Variants in LRRIQ1 observed in about 807,000 individuals in gnomAD.
LRRIQ1 encodes the protein leucine-rich repeat- and IQ domain-containing protein 1.
Under a neutral mutation model 211.9 loss-of-function variants are expected in LRRIQ1, and 210 were observed. The observed-to-expected ratio is 0.99, with a 90% CI of 0.89 to 1.11. The LOEUF (loss-of-function observed/expected upper bound fraction) is 1.11, where lower values mean the gene tolerates loss of function less well. Among genes scored for constraint, LRRIQ1 ranks in the 50% most tolerant of loss-of-function variants. The probability of loss-of-function intolerance (pLI) is 0.00; values close to 1 mark genes in which losing one functional copy is unlikely to be tolerated. For synonymous variants in LRRIQ1, 699 were observed against 650.1 expected, an observed-to-expected ratio of 1.08 and a Z score of -1.14; for missense variants, 2,136 against 1,939.5, an observed-to-expected ratio of 1.10 and a Z score of -1.90.
downstream of LRRIQ1, among the ~76,000 whole-genome samples, chr12:85,245,338 T>A (rs1895668017): frequency 6.6e-6 from 1 of 151,226 alleles, no homozygotes. Flanking sequence ...TAGAAGAGCT[T>A]TAAATAATAT....
At chr12:85,228,195 T>G (rs1894762961) in intron 24 of LRRIQ1, among the ~76,000 whole-genome samples, 1 of 152,140 alleles carries the variant, frequency 6.6e-6, no homozygotes, top group Admixed American at 6.5e-5. Flanking sequence ...ACTAAACAGC[T>G]TCTGCACAGC....
At chr12:85,113,752 A>T (rs561598673) in intron 15 of LRRIQ1, among the ~76,000 whole-genome samples, 3 of 152,266 alleles carry the variant, frequency 2.0e-5, no homozygotes, top group African/African-American at 7.2e-5. Flanking sequence ...AGGAATTGTG[A>T]AACTACAGTA....
At chr12:85,152,150 G>A (rs755729361) in intron 19 of LRRIQ1, 130 bp from the exon 20 acceptor site, 8 of 666,352 alleles carry the variant, frequency 1.2e-5, no homozygotes, top group South Asian at 1.0e-4. Context: ...ACAATAGTAA[G>A]TAGAAAATTT....
chr12:85,143,535 A>T (rs1189020923), intron 19 of LRRIQ1, among the ~76,000 whole-genome samples: 1 of 151,572 alleles, frequency 6.6e-6, no homozygotes, highest in East Asian at 1.9e-4. Context: ...TTTTAAAATC[A>T]TTGCTCAGAC....
At chr12:85,158,866 T>TC in intron 23 of LRRIQ1, among the ~76,000 whole-genome samples, 1 of 150,318 alleles carries the variant, frequency 6.7e-6, no homozygotes, top group Middle Eastern at 3.4e-3. Flanking sequence ...CCTTGGCTTT[T>TC]TTTTTAACTG....
intron 11 of LRRIQ1, among the ~76,000 whole-genome samples, chr12:85,095,592 T>C (rs1885798467): frequency 6.6e-6 from 1 of 152,120 alleles, no homozygotes; most frequent in Admixed American, 6.6e-5. Context: ...CTGTTGTTGT[T>C]CTGTCACTGC....
At chr12:85,200,784 G>A (rs1238825208) in intron 24 of LRRIQ1, among the ~76,000 whole-genome samples, 1 of 152,020 alleles carries the variant, frequency 6.6e-6, no homozygotes, top group Non-Finnish European at 1.5e-5. Context: ...GCATCCCATG[G>A]ATGAAGCCTA....
At chr12:85,086,776 A>T (rs1884869620) in intron 11 of LRRIQ1, among the ~76,000 whole-genome samples, 1 of 152,058 alleles carries the variant, frequency 6.6e-6, no homozygotes, top group Non-Finnish European at 1.5e-5. Context: ...ACAGAGTGTT[A>T]TAGAAACAAG....
chr12:85,059,605 T>TA (rs921186987), intron 8 of LRRIQ1, among the ~76,000 whole-genome samples: 22 of 151,988 alleles, frequency 1.4e-4, no homozygotes, highest in Admixed American at 9.2e-4. Flanking sequence ...TCATAAAATT[T>TA]AAAAAAAATT....
rs1887816232 is a variant in LRRIQ1 at position 85,119,438 on chromosome 12, T to G, written c.3378-2259T>G. 2.0e-5 allele frequency among the ~76,000 whole-genome samples: 3 copies of G among 152,204 alleles called. No individual in the cohort carries two copies. In the South Asian group the frequency reaches 6.2e-4, roughly 31 times the overall value. On this transcript the variant is annotated intron_variant, in intron 15 of 26. Coordinates refer to ENST00000393217, the MANE Select transcript of LRRIQ1 (RefSeq NM_001079910.2). ...AATGACATCTTGGTTGCTTCCAAGT[T>G]TTGGCGATTATGAATAAAGCTGCTA...
At position 85,204,360 on chromosome 12, in the gene LRRIQ1, C is replaced by T. The variant is rs1205023208; in HGVS notation, c.4823-25157C>T. 3.9e-5 allele frequency among the ~76,000 whole-genome samples: 6 copies of T among 152,202 alleles called. 1 individual carries two copies. The highest frequency in any genetic ancestry group is 1.4e-4 in the African/African-American group (6 of 41,448). On this transcript the variant is annotated intron_variant, in intron 24 of 26. Coordinates refer to ENST00000393217, the MANE Select transcript of LRRIQ1 (RefSeq NM_001079910.2). ...GTGAGGTCAGAGTCCCCACACAGAG[C>T]CCCTACTGGGGCACCACCTAGTATA...
intron 15 of LRRIQ1, among the ~76,000 whole-genome samples, chr12:85,117,030 A>C (rs1887634018): frequency 6.6e-6 from 1 of 152,096 alleles, no homozygotes; most frequent in Admixed American, 6.5e-5. Flanking sequence ...GTGCATGTGG[A>C]AAGACTGCAT....
In LRRIQ1 at chr12:85,245,047, T is replaced by A; in HGVS notation, c.*106T>A. On this transcript the variant is annotated 3_prime_UTR_variant, in exon 27 of 27. Coordinates refer to ENST00000393217, the MANE Select transcript of LRRIQ1 (RefSeq NM_001079910.2). ...TGCCCAAAAATGTGTATTTAAATTT[T>A]TTCTTTCTTTAAATATCCTCTTTTG... 2 of 1,414,588 alleles carry A rather than the reference T, an allele frequency of 1.4e-6. No homozygotes were observed. The highest frequency in any genetic ancestry group is 1.9e-6 in the Non-Finnish European group (2 of 1,072,078). The allele number at this position is 1,414,588 out of a possible 1,614,324, so 87.6% of individuals were successfully genotyped here. A position where few individuals can be genotyped will look rare whatever the true frequency, so the allele number is the denominator to read the frequency against.
At chr12:85,175,063 A>T (rs907432045) in intron 24 of LRRIQ1, among the ~76,000 whole-genome samples, 1 of 152,160 alleles carries the variant, frequency 6.6e-6, no homozygotes, top group Admixed American at 6.6e-5. Flanking sequence ...AGAAAACATT[A>T]TTTCCAACCT....
chr12:85,043,076 G>C (rs1477071581), intron 3 of LRRIQ1, among the ~76,000 whole-genome samples: 1 of 152,116 alleles, frequency 6.6e-6, no homozygotes, highest in Non-Finnish European at 1.5e-5. Context: ...CTCAGTTGTA[G>C]AGAACGGGCA....
In LRRIQ1 at chr12:85,055,724, A is replaced by G. The variant is rs1310599811; in HGVS notation, c.931A>G (p.Ile311Val). 1.2e-6 allele frequency: 2 copies of G among 1,607,742 alleles called. No homozygotes were observed. The highest frequency in any genetic ancestry group is 8.5e-7 in the Non-Finnish European group (1 of 1,178,080). Residue 311 changes from isoleucine (I) to valine (V), a missense_variant, in exon 8 of 27, where the codon ATT becomes GTT. Coordinates refer to ENST00000393217, the MANE Select transcript of LRRIQ1 (RefSeq NM_001079910.2). ...ATATGGCCCAATTATTAAAGAGCAA[A>G]TTGAAAGTAAGAAAAGGAAAGCACA... Reference protein sequence around the residue: ...QKYGPIIKEQIESKKRKAQEW... With the variant: ...QKYGPIIKEQVESKKRKAQEW...
At chr12:85,050,186 C>A (rs12298240) in intron 6 of LRRIQ1, among the ~76,000 whole-genome samples, 5,468 of 152,222 alleles carry the variant, frequency 0.036, 328 homozygotes, top group African/African-American at 0.13. Context: ...CAGGCCCCAC[C>A]TCCAACACTG....
intron 24 of LRRIQ1, among the ~76,000 whole-genome samples, chr12:85,193,243 ACT>A (rs1317563864): frequency 1.4e-4 from 18 of 127,396 alleles, no homozygotes; most frequent in South Asian, 4.6e-4. Flanking sequence ...GTTGGAAAAC[ACT>A]CTGCAGGATA....
chr12:85,218,118 T>C (rs1894241983), intron 24 of LRRIQ1, among the ~76,000 whole-genome samples: 1 of 152,062 alleles, frequency 6.6e-6, no homozygotes, highest in East Asian at 1.9e-4. Flanking sequence ...CTTCTTATCG[T>C]GTGGAAATTG....
Sources: allele counts gnomAD v4.1 joint callset (sites outside exome capture counted in the v4.1 genomes callset), GRCh38; gene constraint gnomAD v4.1.1; transcripts MANE v1.5; gene names NCBI Gene and HGNC (gene_info 2026-07-23, HGNC 2026-07-21).